BTBD9: variants seen among roughly 807,000 people sequenced by gnomAD.
The protein encoded by BTBD9 is BTB/POZ domain-containing protein 9.
BTBD9 carries 49 observed loss-of-function variants against 64.3 expected under a neutral mutation model. The ratio of observed to expected loss-of-function variants is 0.76; its 90% CI spans 0.61 to 0.97. BTBD9 has a LOEUF of 0.97. Ranked by LOEUF, BTBD9 falls within the 50% of genes least tolerant of loss-of-function variation. The pLI, the probability that BTBD9 is intolerant of heterozygous loss-of-function variation, is 0.00. For synonymous variants in BTBD9, 260 were observed against 274.7 expected (o/e 0.95, Z 0.53); for missense variants, 598 against 762.1 (o/e 0.78, Z 2.53).
rs915508308 is a variant in BTBD9, at chr6:38,172,865, A to C, written c.*2120T>G. The C allele has an allele frequency of 2.0e-4, 30 of 152,328 alleles. No homozygotes were observed. Among genetic ancestry groups the C allele is most frequent in the African/African-American group, 6.5e-4 (27 of 41,472 alleles). 9.4% of individuals were successfully genotyped at this position (152,328 alleles called of 1,614,324 possible). A position where few individuals can be genotyped will look rare whatever the true frequency, so the allele number is the denominator to read the frequency against. ...TTTCAGATGCGAGGCCGAGCTGCCA[A>C]GCTGCTATCTCGTTCCCGGAGCACA... On this transcript the variant is annotated 3_prime_UTR_variant, in exon 11 of 11. Coordinates refer to ENST00000481247, the MANE Select transcript of BTBD9 (RefSeq NM_001099272.2).
chr6:38,327,127 T>C (rs961555965), intron 7 of BTBD9, among the ~76,000 whole-genome samples: 3 of 152,194 alleles, frequency 2.0e-5, no homozygotes, highest in Non-Finnish European at 4.4e-5. Context: ...ACAGGTAATG[T>C]TGTGATTTTT....
chr6:38,434,703 T>TTG (rs1768629044), intron 6 of BTBD9, among the ~76,000 whole-genome samples: 1 of 151,964 alleles, frequency 6.6e-6, no homozygotes, highest in East Asian at 1.9e-4. Flanking sequence ...TGAATTCAAA[T>TTG]TCAAATAGCT....
chr6:38,417,219 T>C (rs958287473), intron 6 of BTBD9, among the ~76,000 whole-genome samples: 3 of 152,174 alleles, frequency 2.0e-5, no homozygotes, highest in African/African-American at 4.8e-5. Flanking sequence ...ACCAGGATTA[T>C]AGGCATGAGC....
chr6:38,372,278 T>C (rs1765457371), intron 6 of BTBD9, among the ~76,000 whole-genome samples: 1 of 152,226 alleles, frequency 6.6e-6, no homozygotes, highest in Admixed American at 6.5e-5. Context: ...TACAAACTGC[T>C]AGTTTATTCT....
chr6:38,546,699 C>G (rs761677402), intron 6 of BTBD9, among the ~76,000 whole-genome samples: 1 of 152,196 alleles, frequency 6.6e-6, no homozygotes, highest in Non-Finnish European at 1.5e-5. Flanking sequence ...GACGGAGTCT[C>G]GCTCTGTTAG....
chr6:38,371,291 T>C (rs1350058140), intron 6 of BTBD9, among the ~76,000 whole-genome samples: 1 of 152,218 alleles, frequency 6.6e-6, no homozygotes, highest in Non-Finnish European at 1.5e-5. Context: ...AGTTTAACTT[T>C]GGCCCTCTCT....
At chr6:38,385,460 G>A (rs1273535017) in intron 6 of BTBD9, among the ~76,000 whole-genome samples, 1 of 152,084 alleles carries the variant, frequency 6.6e-6, no homozygotes, top group Non-Finnish European at 1.5e-5. Flanking sequence ...AAAGTGCTAG[G>A]ATTATAGGCG....
chr6:38,416,740 C>T (rs545193008), intron 6 of BTBD9, among the ~76,000 whole-genome samples: 17 of 152,188 alleles, frequency 1.1e-4, no homozygotes, highest in Non-Finnish European at 2.4e-4. Flanking sequence ...CAAAACATGG[C>T]TGAGGAGGCT....
At chr6:38,234,530 A>G (rs1231010782) in intron 9 of BTBD9, among the ~76,000 whole-genome samples, 1 of 152,266 alleles carries the variant, frequency 6.6e-6, no homozygotes, top group Non-Finnish European at 1.5e-5. Flanking sequence ...GGCAACACAC[A>G]TTAGAAGAAA....
At chr6:38,385,103 G>T (rs2127617846) in intron 6 of BTBD9, among the ~76,000 whole-genome samples, 1 of 150,238 alleles carries the variant, frequency 6.7e-6, no homozygotes, top group Admixed American at 6.7e-5. Flanking sequence ...TATGAACAAG[G>T]TATGCCATTT....
At chr6:38,292,782 T>C (rs951139746) in intron 7 of BTBD9, among the ~76,000 whole-genome samples, 8 of 152,190 alleles carry the variant, frequency 5.3e-5, no homozygotes, top group African/African-American at 9.6e-5. Flanking sequence ...CCTGGATGCA[T>C]TGATTTTTTG....
At chr6:38,344,871 C>G in intron 7 of BTBD9, 113 bp downstream of exon 7, 1 of 557,078 alleles carries the variant, frequency 1.8e-6, no homozygotes, top group Non-Finnish European at 3.0e-6. Flanking sequence ...AGCAATAAGG[C>G]ATTTAAATCA....
intron 6 of BTBD9, among the ~76,000 whole-genome samples, chr6:38,367,617 G>A (rs1029443333): frequency 6.6e-6 from 1 of 152,022 alleles, no homozygotes; most frequent in African/African-American, 2.4e-5. Flanking sequence ...ACCCTGGAGA[G>A]TACAATCCTT....
intron 1 of BTBD9, among the ~76,000 whole-genome samples, chr6:38,630,687 G>C (rs1287369959): frequency 1.3e-5 from 2 of 152,048 alleles, no homozygotes; most frequent in Non-Finnish European, 1.5e-5. Flanking sequence ...ACTTGTTAGG[G>C]GTCAGGATAG....
chr6:38,611,709 C>T (rs1777623626), intron 1 of BTBD9, among the ~76,000 whole-genome samples: 2 of 151,978 alleles, frequency 1.3e-5, no homozygotes, highest in South Asian at 4.1e-4. Context: ...ATATACATAC[C>T]CATCTTAAAA....
chr6:38,302,521 A>ATATATATATATATATC (rs1762451415), intron 7 of BTBD9, among the ~76,000 whole-genome samples: 1 of 115,618 alleles, frequency 8.6e-6, no homozygotes, highest in Non-Finnish European at 1.9e-5. Flanking sequence ...ATATATATAT[A>ATATATATATATATATC]TATCACATTC....
chr6:38,441,567 C>A (rs1382799418), intron 6 of BTBD9, among the ~76,000 whole-genome samples: 1 of 151,978 alleles, frequency 6.6e-6, no homozygotes, highest in Non-Finnish European at 1.5e-5. Context: ...CACCCGCTAC[C>A]GTGCCTGGCT....
intron 4 of BTBD9, chr6:38,588,304 T>C (rs953097251): frequency 1.9e-6 from 2 of 1,066,720 alleles, no homozygotes; most frequent in African/African-American, 1.5e-5. Context: ...GGCAAGCAAT[T>C]ATCCTGCACA....
intron 6 of BTBD9, among the ~76,000 whole-genome samples, chr6:38,382,641 A>T (rs1465796282): frequency 2.0e-5 from 3 of 152,118 alleles, no homozygotes; most frequent in Non-Finnish European, 4.4e-5. Context: ...AATCCAAAGA[A>T]GGTTCTTTGA....
Sources: allele counts gnomAD v4.1 joint callset (sites outside exome capture counted in the v4.1 genomes callset), GRCh38; gene constraint gnomAD v4.1.1; transcripts MANE v1.5; gene names NCBI Gene and HGNC (gene_info 2026-07-23, HGNC 2026-07-21).